The following SNX29 variants were observed in gnomAD, a reference collection of about 807,000 sequenced individuals.
SNX29 encodes the protein sorting nexin-29.
A neutral mutation model predicts 102.1 loss-of-function variants in SNX29; 78 were observed. The observed-to-expected ratio is 0.76, with a 90% CI of 0.64 to 0.92. The LOEUF (loss-of-function observed/expected upper bound fraction) is 0.92. Ranked by LOEUF, SNX29 falls within the 40% of genes least tolerant of loss-of-function variation. The pLI, the probability that SNX29 is intolerant of heterozygous loss-of-function variation, is 0.00. For missense variants in SNX29, 1,280 were observed against 1,061.7 expected (o/e 1.21, Z -2.86); for synonymous variants, 580 against 414.5 (o/e 1.40, Z -4.85).
chr16:12,010,451 A>G (rs1397730724), intron 3 of SNX29, among the ~76,000 whole-genome samples: 3 of 152,022 alleles, frequency 2.0e-5, no homozygotes, highest in Admixed American at 1.3e-4. Context: ...GCGAAACCCC[A>G]TGTCTACAAA....
chr16:12,060,457 C>G (rs1481686059), intron 8 of SNX29, among the ~76,000 whole-genome samples: 1 of 152,078 alleles, frequency 6.6e-6, no homozygotes, highest in African/African-American at 2.4e-5. Flanking sequence ...AAAAAATTAG[C>G]CGGGTATGGT....
chr16:12,397,655 G>T (rs1049510656), intron 16 of SNX29, among the ~76,000 whole-genome samples: 2 of 152,160 alleles, frequency 1.3e-5, no homozygotes, highest in African/African-American at 4.8e-5. Context: ...CTCATTCCCT[G>T]GGTATGAGAA....
At chr16:12,446,823 C>T (rs2086076216) in intron 18 of SNX29, among the ~76,000 whole-genome samples, 2 of 152,070 alleles carry the variant, frequency 1.3e-5, no homozygotes, top group Admixed American at 1.3e-4. Context: ...TTAACTGGAT[C>T]CCAACGAGCT....
chr16:12,280,177 C>G (rs151109512), intron 15 of SNX29, among the ~76,000 whole-genome samples: 1 of 152,200 alleles, frequency 6.6e-6, no homozygotes, highest in Admixed American at 6.5e-5. Context: ...GCATCAGAAA[C>G]AGCAAGAACA....
At chr16:12,339,370 C>CA (rs58148692) in intron 15 of SNX29, among the ~76,000 whole-genome samples, 4,854 of 56,120 alleles carry the variant, frequency 0.086, 579 homozygotes, top group East Asian at 0.39. Context: ...GATTCTGTCT[C>CA]AAAAAAAAAA....
At chr16:12,256,924 C>T (rs1237746024) in intron 14 of SNX29, among the ~76,000 whole-genome samples, 5 of 152,188 alleles carry the variant, frequency 3.3e-5, no homozygotes, top group Non-Finnish European at 5.9e-5. Context: ...ATTTCTCCAC[C>T]GTCTTCCCCA....
In SNX29 at chr16:12,245,084, T is replaced by C. The variant is rs555722467; in HGVS notation, c.1679-32849T>C. On this transcript the variant is annotated intron_variant, in intron 14 of 20. Coordinates refer to ENST00000566228, the MANE Select transcript of SNX29 (RefSeq NM_032167.5). Reference sequence around the variant, plus strand: ...AGAAAACATTGATTCCCCGCCCCCCTAACAAAAATTACTCCTAAATGGTAT... The same window carrying C: ...AGAAAACATTGATTCCCCGCCCCCCCAACAAAAATTACTCCTAAATGGTAT... Among the ~76,000 whole-genome samples, 5 of 152,176 alleles carry C rather than the reference T, an allele frequency of 3.3e-5. No homozygotes were observed. In the South Asian group the frequency reaches 1.0e-3, roughly 32 times the overall value.
At chr16:11,995,121 A>G (rs966239337) in intron 1 of SNX29, among the ~76,000 whole-genome samples, 2 of 152,182 alleles carry the variant, frequency 1.3e-5, no homozygotes, top group Non-Finnish European at 2.9e-5. Context: ...GCTGGAGTGC[A>G]TTGGTGCAAT....
rs1256328705 is a variant in SNX29 at position 12,098,461 on chromosome 16, G to C, written c.1402+19546G>C. On this transcript the variant is annotated intron_variant, in intron 11 of 20. Transcript: ENST00000566228. The surrounding 1 kb of genome is among the most constrained non-coding windows in gnomAD (Gnocchi z 6.0). ...CATACTGGAGCTCCCACTTGCAGTG[G>C]CCACCGCGTGCCCTTTGATGGGACG... 6.6e-6 allele frequency among the ~76,000 whole-genome samples: 1 copy of C among 152,176 alleles called. No individual in the cohort carries two copies. The highest frequency in any genetic ancestry group is 2.4e-5 in the African/African-American group (1 of 41,462).
chr16:12,414,608 G>A (rs780511712), intron 18 of SNX29, among the ~76,000 whole-genome samples: 9 of 152,214 alleles, frequency 5.9e-5, no homozygotes, highest in Non-Finnish European at 1.0e-4. Context: ...GGTCTTTTCT[G>A]CTCCCTCACC....
Position 12,327,110 on chromosome 16 carries a change from C to A in SNX29, c.1783-29053C>A, listed in dbSNP as rs192422372. ...GTGGGTCCCTTTATATCCTGTTGGA[C>A]AACCTCTGTCTTCCCCCTGTAAGTC... On this transcript the variant is annotated intron_variant, in intron 15 of 20. Coordinates refer to ENST00000566228, the MANE Select transcript of SNX29 (RefSeq NM_032167.5). Among the ~76,000 whole-genome samples the A allele has an allele frequency of 4.4e-3, 675 of 152,300 alleles. 1 individual carries two copies. Among genetic ancestry groups the A allele is most frequent in the Middle Eastern group, 0.024 (7 of 294 alleles).
chr16:12,022,193 A>T (rs372698393), intron 3 of SNX29, among the ~76,000 whole-genome samples: 1 of 116,288 alleles, frequency 8.6e-6, no homozygotes, highest in African/African-American at 3.3e-5. Flanking sequence ...CAATTCAGTG[A>T]TTTTTGTGCT....
At chr16:12,292,584 C>G (rs1332132898) in intron 15 of SNX29, among the ~76,000 whole-genome samples, 3 of 152,170 alleles carry the variant, frequency 2.0e-5, no homozygotes, top group Non-Finnish European at 4.4e-5. Flanking sequence ...TAAAGGTGCT[C>G]TTCTAGTTGA....
chr16:12,330,698 C>T (rs771170802), intron 15 of SNX29, among the ~76,000 whole-genome samples: 4 of 152,188 alleles, frequency 2.6e-5, no homozygotes, highest in Non-Finnish European at 4.4e-5. Flanking sequence ...CGAGTCCTGG[C>T]GGCGCTTGTG....
chr16:12,150,349 T>C (rs891380840), intron 13 of SNX29, among the ~76,000 whole-genome samples: 2 of 152,166 alleles, frequency 1.3e-5, no homozygotes, highest in African/African-American at 4.8e-5. Flanking sequence ...TCCAGTTGTT[T>C]GGTTCTTGGA....
intron 19 of SNX29, among the ~76,000 whole-genome samples, chr16:12,481,758 C>T (rs1156817811): frequency 3.9e-5 from 6 of 152,206 alleles, no homozygotes; most frequent in African/African-American, 1.4e-4. Flanking sequence ...TGTTCTCAAA[C>T]TCCTGATCTC....
At chr16:12,544,437 C>G (rs113546936) in intron 20 of SNX29, among the ~76,000 whole-genome samples, 1 of 152,198 alleles carries the variant, frequency 6.6e-6, no homozygotes, top group Non-Finnish European at 1.5e-5. Flanking sequence ...TTGGACGTTT[C>G]TCTTTCTCTA....
At chr16:12,107,306 A>G (rs1048328992) in intron 11 of SNX29, among the ~76,000 whole-genome samples, 2 of 150,374 alleles carry the variant, frequency 1.3e-5, no homozygotes, top group East Asian at 3.9e-4. Flanking sequence ...GGAAGACAGC[A>G]CGGGCCAATC....
At chr16:12,526,609 C>T (rs1033565455) in intron 20 of SNX29, 2 of 533,032 alleles carry the variant, frequency 3.8e-6, no homozygotes, top group South Asian at 1.5e-5. Flanking sequence ...TTCTCATCCT[C>T]TTAGCGGCAT....
Sources: gnomAD v4.1 joint callset for allele counts (sites outside exome capture counted in the v4.1 genomes callset) on GRCh38, gnomAD v4.1.1 for gene constraint, Gnocchi (gnomAD v3.1) non-coding constraint, MANE v1.5 for transcripts, NCBI Gene and HGNC (gene_info 2026-07-23, HGNC 2026-07-21) for gene names.